CARD8: variants seen among roughly 807,000 people sequenced by gnomAD.
The protein encoded by CARD8 is caspase recruitment domain-containing protein 8.
In CARD8, 38 loss-of-function variants were observed where a neutral mutation model predicts 53.2. That is an observed-to-expected ratio of 0.71 (90% CI 0.55 to 0.94). The LOEUF (loss-of-function observed/expected upper bound fraction) is 0.94. CARD8 is among the 40% of genes least tolerant of loss of function. The probability of loss-of-function intolerance (pLI) is 0.00; values close to 1 mark genes in which losing one functional copy is unlikely to be tolerated. For synonymous variants in CARD8, 245 were observed against 244.9 expected (o/e 1.00, Z 0.00); for missense variants, 561 against 655.5 (o/e 0.86, Z 1.57).
Position 48,246,127 on chromosome 19 carries a change from T to C in CARD8, c.-44+3396A>G, listed in dbSNP as rs372338138. Among the ~76,000 whole-genome samples the C allele has an allele frequency of 3.7e-4, 57 of 152,316 alleles. No individual in the cohort carries two copies. The East Asian group carries it at 7.9e-3, about 21-fold the overall frequency. The stretch of plus-strand genomic sequence containing the variant: ...TCTGTGACCGTTTCTTATTCTTCCC[T>C]TGTCTTTTGTGATTGTGACATTTTT... On this transcript the variant is annotated intron_variant, in intron 3 of 13. Coordinates refer to ENST00000651546, the MANE Select transcript of CARD8 (RefSeq NM_001184900.3).
chr19:48,221,767 A>G lies in CARD8; in HGVS notation c.1124T>C (p.Ile375Thr), dbSNP rs1317162062. ...TTTCAGGTTAGCAGAATTAGACACA[A>G]TATAACTGGAACCAAAGTTCAGGGG... ...MEPLNFGSSY[I>T]VSNSANLKVM... The change falls in exon 11 of 14, where the codon ATT becomes ACT. Residue 375 changes from isoleucine to threonine, a missense_variant. Physicochemically the swap from Ile to Thr is moderately conservative, Grantham distance 89. Transcript: ENST00000651546. 6.2e-7 allele frequency: 1 copy of G among 1,608,610 alleles called. No individual in the cohort carries two copies. The highest frequency in any genetic ancestry group is 8.5e-7 in the Non-Finnish European group (1 of 1,176,110).
intron 11 of CARD8, among the ~76,000 whole-genome samples, chr19:48,219,418 C>T (rs1310894444): frequency 1.3e-5 from 2 of 152,064 alleles, no homozygotes; most frequent in Non-Finnish European, 2.9e-5. Context: ...TCAGATAAGC[C>T]ATTTCAGGTC....
Position 48,226,090 on chromosome 19 carries a change from A to G in CARD8, c.1036-4235T>C, listed in dbSNP as rs190766282. 1.9e-3 allele frequency among the ~76,000 whole-genome samples: 289 copies of G among 150,210 alleles called. 2 individuals carry two copies. Among genetic ancestry groups the G allele is most frequent in the Non-Finnish European group, 5.9e-4 (40 of 67,680 alleles). Reference sequence around the variant, plus strand: ...AAAAAAAAGCCATGGCCTCTAGGCCATAGTAAATTATTTGATTCATGTTCT... The same window carrying G: ...AAAAAAAAGCCATGGCCTCTAGGCCGTAGTAAATTATTTGATTCATGTTCT... On this transcript the variant is annotated intron_variant, in intron 10 of 13. Coordinates refer to ENST00000651546, the MANE Select transcript of CARD8 (RefSeq NM_001184900.3).
intron 5 of CARD8, among the ~76,000 whole-genome samples, chr19:48,235,255 A>G (rs2043667339): frequency 6.6e-6 from 1 of 152,184 alleles, no homozygotes; most frequent in Non-Finnish European, 1.5e-5. Flanking sequence ...GATTGAGGTT[A>G]GGAGTGATGG....
intron 10 of CARD8, among the ~76,000 whole-genome samples, chr19:48,227,410 A>G (rs1321599875): frequency 1.3e-5 from 2 of 152,166 alleles, no homozygotes; most frequent in African/African-American, 4.8e-5. Context: ...GTGAAGACAG[A>G]AAAGAGAAAG....
At chr19:48,218,571 C>T (rs1251901628) in intron 12 of CARD8, among the ~76,000 whole-genome samples, 1 of 151,942 alleles carries the variant, frequency 6.6e-6, no homozygotes, top group African/African-American at 2.4e-5. Flanking sequence ...GCAGGCTGGT[C>T]TCGAACTCCC....
chr19:48,215,070 G>A (rs904494806), intron 13 of CARD8: 4 of 307,820 alleles, frequency 1.3e-5, no homozygotes, highest in South Asian at 3.4e-5. Flanking sequence ...GATTACAGGC[G>A]TGAGCCACTG....
downstream of CARD8, among the ~76,000 whole-genome samples, chr19:48,207,889 C>A (rs1316161987): frequency 6.6e-6 from 1 of 151,752 alleles, no homozygotes; most frequent in Non-Finnish European, 1.5e-5. Flanking sequence ...ACATGCACCA[C>A]CATGCCCGGC....
downstream of CARD8, chr19:48,206,344 A>G: frequency 7.0e-6 from 3 of 426,768 alleles, no homozygotes; most frequent in South Asian, 4.9e-5. Context: ...TACATTAATT[A>G]TAATGAAATA....
chr19:48,254,867 T>A (rs576396421), intron 1 of CARD8, among the ~76,000 whole-genome samples: 1 of 152,230 alleles, frequency 6.6e-6, no homozygotes, highest in African/African-American at 2.4e-5. Context: ...CTTAAAAAAA[T>A]ATATATTTCT....
At chr19:48,252,551 G>A (rs1186487687) in intron 1 of CARD8, among the ~76,000 whole-genome samples, 1 of 151,020 alleles carries the variant, frequency 6.6e-6, no homozygotes, top group African/African-American at 2.4e-5. Flanking sequence ...GGAGTATGCA[G>A]TGGTGTGATC....
chr19:48,248,696 C>G (rs1414809306), intron 3 of CARD8, among the ~76,000 whole-genome samples: 2 of 152,172 alleles, frequency 1.3e-5, no homozygotes, highest in Non-Finnish European at 2.9e-5. Flanking sequence ...GACTTCAAGA[C>G]ACACCTACCC....
chr19:48,240,406 G>T (rs1040773214), intron 4 of CARD8, among the ~76,000 whole-genome samples: 1 of 152,076 alleles, frequency 6.6e-6, no homozygotes, highest in African/African-American at 2.4e-5. Context: ...AAGTTGCCAT[G>T]GTCAGAATCA....
intron 5 of CARD8, among the ~76,000 whole-genome samples, chr19:48,235,872 G>A (rs1343005361): frequency 1.3e-5 from 2 of 151,250 alleles, no homozygotes; most frequent in African/African-American, 4.9e-5. Flanking sequence ...AATAACTGAG[G>A]AATTATTACT....
At chr19:48,205,111 T>A (rs1372353395), downstream of CARD8, among the ~76,000 whole-genome samples, 1 of 152,138 alleles carries the variant, frequency 6.6e-6, no homozygotes, top group African/African-American at 2.4e-5. Context: ...CTGGGGATAG[T>A]CAGGAAAAGT....
intron 1 of CARD8, among the ~76,000 whole-genome samples, chr19:48,251,188 G>A (rs1392005930): frequency 1.3e-5 from 2 of 152,160 alleles, no homozygotes; most frequent in Non-Finnish European, 2.9e-5. Context: ...TGTAGGTTGG[G>A]TTCTGTTAAG....
In CARD8 at chr19:48,230,668, C is replaced by CA. The variant is rs1418488531; in HGVS notation, c.804dup (p.Ala269CysfsTer4). On this transcript the variant is annotated frameshift_variant, in exon 10 of 14. Coordinates refer to ENST00000651546, the MANE Select transcript of CARD8 (RefSeq NM_001184900.3). LOFTEE classifies it high-confidence loss of function. ...ACCATCCCTTCATTCTTAAAATGGG[C>CA]AACGAGAAACCAGGAGACGTCCACC... is the stretch of plus-strand genomic sequence containing the variant. 6.2e-7 allele frequency: 1 copy of CA among 1,614,000 alleles called. No individual in the cohort carries two copies. Among genetic ancestry groups the CA allele is most frequent in the East Asian group, 2.2e-5 (1 of 44,878 alleles).
intron 3 of CARD8, among the ~76,000 whole-genome samples, chr19:48,244,747 C>G (rs1018677307): frequency 1.4e-4 from 21 of 152,228 alleles, no homozygotes; most frequent in African/African-American, 4.1e-4. Context: ...AAGATATTAC[C>G]AGAGCATTGC....
At chr19:48,214,588 T>C (rs766206973) in intron 13 of CARD8, among the ~76,000 whole-genome samples, 17 of 151,894 alleles carry the variant, frequency 1.1e-4, no homozygotes, top group Non-Finnish European at 1.9e-4. Flanking sequence ...TGCGGGCCAC[T>C]ATGCAGGCGA....
Sources: allele counts gnomAD v4.1 joint callset (sites outside exome capture counted in the v4.1 genomes callset), GRCh38; gene constraint gnomAD v4.1.1; transcripts MANE v1.5; gene names NCBI Gene and HGNC (gene_info 2026-07-23, HGNC 2026-07-21).